The following HPSE2 variants were observed in gnomAD, a reference collection of about 807,000 sequenced individuals.
HPSE2 encodes the protein heparanase 2 (inactive).
In HPSE2, 38 loss-of-function variants were observed where a neutral mutation model predicts 60.5. The ratio of observed to expected loss-of-function variants is 0.63; its 90% CI spans 0.48 to 0.82. HPSE2 has a LOEUF of 0.82. Among genes scored for constraint, HPSE2 ranks in the 40% least tolerant of loss-of-function variants. HPSE2 has a pLI of 0.00. For missense variants in HPSE2, 713 were observed against 740.4 expected (o/e 0.96, Z 0.43); for synonymous variants, 295 against 293.2 (o/e 1.01, Z -0.06).
intron 2 of HPSE2, among the ~76,000 whole-genome samples, chr10:99,216,793 GAA>G (rs1849145734): frequency 6.6e-6 from 1 of 152,142 alleles, no homozygotes; most frequent in South Asian, 2.1e-4. Context: ...ATGTAACTGT[GAA>G]AATTCCTGGC....
the HPSE2 span, among the ~76,000 whole-genome samples, chr10:99,296,791 C>T: frequency 1.3e-5 from 2 of 152,128 alleles, no homozygotes; most frequent in Non-Finnish European, 2.9e-5. Flanking sequence ...GGCAGTCGGC[C>T]AGTGACAGTC....
At chr10:98,908,607 C>T (rs887204283) in intron 3 of HPSE2, among the ~76,000 whole-genome samples, 10 of 126,560 alleles carry the variant, frequency 7.9e-5, no homozygotes, top group African/African-American at 1.2e-4. Flanking sequence ...CACTTGAATC[C>T]GGGAGGTGGA....
intron 3 of HPSE2, among the ~76,000 whole-genome samples, chr10:98,939,417 G>A (rs1954918288): frequency 7.0e-6 from 1 of 143,052 alleles, no homozygotes; most frequent in Non-Finnish European, 1.5e-5. Flanking sequence ...AACAAAAAAA[G>A]GCAGGGGTTG....
chr10:98,988,285 A>G (rs1956424231), intron 3 of HPSE2, among the ~76,000 whole-genome samples: 1 of 152,306 alleles, frequency 6.6e-6, no homozygotes, highest in Non-Finnish European at 1.5e-5. Context: ...TGCTACTGGT[A>G]CCAAAACAGA....
chr10:99,111,071 A>G lies in HPSE2; in HGVS notation c.610+33167T>C, dbSNP rs370933381. ...TCTGGTGCCATGTGTCAAAAAGACT[A>G]TCCTTCCTCCATTGAATTACCCTTC... On this transcript the variant is annotated intron_variant, in intron 3 of 11. Transcript: ENST00000370552. 1.8e-4 allele frequency among the ~76,000 whole-genome samples: 28 copies of G among 152,230 alleles called. 1 individual carries two copies. The East Asian group carries it at 4.1e-3, about 22-fold the overall frequency.
intron 3 of HPSE2, among the ~76,000 whole-genome samples, chr10:98,840,025 A>G (rs1035791228): frequency 1.3e-5 from 2 of 152,232 alleles, no homozygotes; most frequent in Admixed American, 6.5e-5. Flanking sequence ...CTTTTTTGCA[A>G]ATATGGACAT....
At chr10:98,746,574 A>AGG (rs1949634438) in intron 3 of HPSE2, among the ~76,000 whole-genome samples, 1 of 152,110 alleles carries the variant, frequency 6.6e-6, no homozygotes, top group Non-Finnish European at 1.5e-5. Context: ...TTTGCCTTAT[A>AGG]AGATTTTCAA....
upstream of HPSE2, chr10:99,235,992 T>G (rs991228299): frequency 6.2e-6 from 3 of 486,356 alleles, no homozygotes; most frequent in Non-Finnish European, 1.1e-5. Flanking sequence ...GCTCGTTTTG[T>G]TTTTTTCTTT....
At chr10:98,929,224 C>T (rs1469259073) in intron 3 of HPSE2, among the ~76,000 whole-genome samples, 3 of 142,960 alleles carry the variant, frequency 2.1e-5, no homozygotes, top group Non-Finnish European at 4.5e-5. Flanking sequence ...ATATGCCAGG[C>T]AAAAGAACAA....
At chr10:98,508,821 TG>T (rs1240893913) in intron 9 of HPSE2, among the ~76,000 whole-genome samples, 3 of 152,168 alleles carry the variant, frequency 2.0e-5, no homozygotes, top group African/African-American at 7.2e-5. Flanking sequence ...CCAATTCAGC[TG>T]GAGCTCAGCA....
intron 3 of HPSE2, among the ~76,000 whole-genome samples, chr10:99,002,913 T>G (rs1230588572): frequency 6.6e-6 from 1 of 152,062 alleles, no homozygotes; most frequent in Admixed American, 6.6e-5. Flanking sequence ...TAAAATCTAC[T>G]CAATACATTG....
chr10:99,259,503 T>A, the HPSE2 span, among the ~76,000 whole-genome samples: 1 of 152,028 alleles, frequency 6.6e-6, no homozygotes, highest in Admixed American at 6.6e-5. Context: ...CCAAAGAAGA[T>A]ACATGAATCA....
At chr10:98,984,983 G>A (rs2496708) in intron 3 of HPSE2, among the ~76,000 whole-genome samples, 21,175 of 152,128 alleles carry the variant, frequency 0.14, 1,948 homozygotes, top group Admixed American at 0.23. Flanking sequence ...AAGAAATATG[G>A]GACTATGTGA....
chr10:99,279,025 A>C, the HPSE2 span, among the ~76,000 whole-genome samples: 1 of 152,206 alleles, frequency 6.6e-6, no homozygotes, highest in South Asian at 2.1e-4. Context: ...AGTCATCAAA[A>C]TCACAATTTA....
intron 3 of HPSE2, among the ~76,000 whole-genome samples, chr10:99,038,217 G>T (rs1957653793): frequency 6.6e-6 from 1 of 152,050 alleles, no homozygotes; most frequent in African/African-American, 2.4e-5. Context: ...ACAACAACAT[G>T]CACACAATTG....
At chr10:98,947,624 A>T in intron 3 of HPSE2, among the ~76,000 whole-genome samples, 1 of 152,158 alleles carries the variant, frequency 6.6e-6, no homozygotes, top group South Asian at 2.1e-4. Flanking sequence ...GACATTTATT[A>T]GTAAGAAAGA....
chr10:98,797,277 A>T (rs886119809), intron 3 of HPSE2, among the ~76,000 whole-genome samples: 4 of 152,184 alleles, frequency 2.6e-5, no homozygotes, highest in Non-Finnish European at 5.9e-5. Flanking sequence ...TTATCAGATA[A>T]ATTTAACAAA....
chr10:98,724,468 A>C (rs952609551), intron 4 of HPSE2, among the ~76,000 whole-genome samples: 4 of 152,190 alleles, frequency 2.6e-5, no homozygotes, highest in Non-Finnish European at 4.4e-5. Context: ...AGTTCTGTAG[A>C]TGTCTATTAG....
intron 4 of HPSE2, among the ~76,000 whole-genome samples, chr10:98,737,888 T>C (rs979121952): frequency 2.0e-5 from 3 of 152,146 alleles, no homozygotes; most frequent in Non-Finnish European, 4.4e-5. Flanking sequence ...ATTGTGAAAA[T>C]GACCATACTG....
Sources: gnomAD v4.1 joint callset for allele counts (sites outside exome capture counted in the v4.1 genomes callset) on GRCh38, gnomAD v4.1.1 for gene constraint, MANE v1.5 for transcripts, NCBI Gene and HGNC (gene_info 2026-07-23, HGNC 2026-07-21) for gene names.